THSD7B: variants seen among roughly 807,000 people sequenced by gnomAD.
THSD7B encodes the protein thrombospondin type-1 domain-containing protein 7B.
THSD7B carries 138 observed loss-of-function variants against 213.6 expected under a neutral mutation model. The ratio of observed to expected loss-of-function variants is 0.65; its 90% CI spans 0.56 to 0.74. The LOEUF (loss-of-function observed/expected upper bound fraction) is 0.74, where lower values mean the gene tolerates loss of function less well. Ranked by LOEUF, THSD7B falls within the 30% of genes least tolerant of loss-of-function variation. THSD7B has a pLI of 0.00. For synonymous variants in THSD7B, 742 were observed against 687.0 expected, an observed-to-expected ratio of 1.08 and a Z score of -1.25; for missense variants, 1,931 against 1,991.5, an observed-to-expected ratio of 0.97 and a Z score of 0.58.
chr2:136,876,453 T>C (rs1649550), intron 1 of THSD7B, among the ~76,000 whole-genome samples: 97,014 of 152,110 alleles, frequency 0.64, 32,424 homozygotes, highest in Non-Finnish European at 0.74. Context: ...ATCTGTATTA[T>C]GCAGAATTAA....
At chr2:137,126,722 G>C (rs1488735727) in intron 5 of THSD7B, among the ~76,000 whole-genome samples, 1 of 152,156 alleles carries the variant, frequency 6.6e-6, no homozygotes, top group Non-Finnish European at 1.5e-5. Context: ...CAGAGGCCTT[G>C]CTTTCAGCCA....
At chr2:136,771,635 G>A (rs1681507018) in intron 1 of THSD7B, among the ~76,000 whole-genome samples, 1 of 152,136 alleles carries the variant, frequency 6.6e-6, no homozygotes, top group Non-Finnish European at 1.5e-5. Context: ...CTTCCACTGA[G>A]CTTTCACTGA....
At chr2:136,885,757 T>A (rs917161975) in intron 2 of THSD7B, among the ~76,000 whole-genome samples, 1 of 152,200 alleles carries the variant, frequency 6.6e-6, no homozygotes, top group Non-Finnish European at 1.5e-5. Flanking sequence ...TACAAGTACA[T>A]GAGATAAATT....
At chr2:137,386,889 A>T (rs1387657836) in intron 12 of THSD7B, among the ~76,000 whole-genome samples, 1 of 152,190 alleles carries the variant, frequency 6.6e-6, no homozygotes, top group African/African-American at 2.4e-5. Context: ...AATTCTTTTT[A>T]AAAAATTAAC....
intron 7 of THSD7B, among the ~76,000 whole-genome samples, chr2:137,192,495 C>T (rs1005664812): frequency 5.3e-5 from 8 of 152,012 alleles, no homozygotes; most frequent in Non-Finnish European, 1.0e-4. Flanking sequence ...TACTTGTATA[C>T]TTGAGAAGAG....
chr2:137,659,316 G>C (rs1683296789), intron 24 of THSD7B, among the ~76,000 whole-genome samples: 1 of 152,128 alleles, frequency 6.6e-6, no homozygotes, highest in African/African-American at 2.4e-5. Context: ...GAGTATTCCA[G>C]CAGATATGTT....
intron 2 of THSD7B, among the ~76,000 whole-genome samples, chr2:137,016,770 C>A (rs1686350377): frequency 6.6e-6 from 1 of 152,130 alleles, no homozygotes; most frequent in Non-Finnish European, 1.5e-5. Flanking sequence ...TTTAGAGGAA[C>A]TTCTTAAGTA....
chr2:137,336,975 C>G (rs982253217), intron 12 of THSD7B, among the ~76,000 whole-genome samples: 2 of 151,788 alleles, frequency 1.3e-5, no homozygotes, highest in Admixed American at 1.3e-4. Flanking sequence ...AAAATAGTTG[C>G]AAAATCATAT....
intron 4 of THSD7B, among the ~76,000 whole-genome samples, chr2:137,100,397 T>C (rs1018962189): frequency 6.6e-6 from 1 of 151,952 alleles, no homozygotes; most frequent in Non-Finnish European, 1.5e-5. Flanking sequence ...TTCAAAACTA[T>C]TGGGTTGCTG....
chr2:137,037,034 G>A (rs2104857820), intron 2 of THSD7B, among the ~76,000 whole-genome samples: 1 of 152,202 alleles, frequency 6.6e-6, no homozygotes, highest in East Asian at 1.9e-4. Flanking sequence ...TTCTGACTCA[G>A]TGTTCCTAAA....
intron 12 of THSD7B, among the ~76,000 whole-genome samples, chr2:137,344,829 T>C (rs1684841281): frequency 6.6e-6 from 1 of 151,646 alleles, no homozygotes; most frequent in South Asian, 2.1e-4. Flanking sequence ...GGCTGGCCCT[T>C]GCATATCCTC....
intron 21 of THSD7B, among the ~76,000 whole-genome samples, chr2:137,649,073 G>A (rs1683090873): frequency 6.6e-6 from 1 of 151,942 alleles, no homozygotes; most frequent in South Asian, 2.1e-4. Context: ...GTCTTCTTTT[G>A]AGAAATGTCT....
chr2:137,357,118 G>T (rs1389760551), intron 12 of THSD7B, among the ~76,000 whole-genome samples: 1 of 152,080 alleles, frequency 6.6e-6, no homozygotes, highest in African/African-American at 2.4e-5. Context: ...GACATTATAC[G>T]TGTATGATTC....
rs144197086 is a variant in THSD7B, at chr2:137,056,167, A to G, written c.140-253A>G. The stretch of plus-strand genomic sequence containing the variant: ...CAAGTCGGTGCTTTTATTATCTTCT[A>G]CCTTATATAGGTGAGGAACTTTCTA... On this transcript the variant is annotated intron_variant, in intron 2 of 27. Transcript: ENST00000409968. 1.8e-4 allele frequency among the ~76,000 whole-genome samples: 28 copies of G among 152,232 alleles called. No individual in the cohort carries two copies. In the East Asian group the frequency reaches 5.4e-3, roughly 29 times the overall value.
intron 2 of THSD7B, among the ~76,000 whole-genome samples, chr2:136,920,386 T>C (rs1684413790): frequency 6.6e-6 from 1 of 152,154 alleles, no homozygotes; most frequent in Admixed American, 6.5e-5. Context: ...AGTGTCCGGC[T>C]CTTGGCAGAG....
At chr2:137,321,000 T>A (rs1269636698) in intron 12 of THSD7B, among the ~76,000 whole-genome samples, 2 of 152,208 alleles carry the variant, frequency 1.3e-5, no homozygotes, top group Non-Finnish European at 2.9e-5. Context: ...AGTTACTTGA[T>A]TTCATTAAGC....
intron 1 of THSD7B, among the ~76,000 whole-genome samples, chr2:136,878,887 G>A (rs1330560987): frequency 6.6e-6 from 1 of 152,186 alleles, no homozygotes; most frequent in East Asian, 1.9e-4. Context: ...TCTGGTGGTA[G>A]TTTCTTTTGC....
chr2:137,363,859 A>C (rs1389362645), intron 12 of THSD7B, among the ~76,000 whole-genome samples: 1 of 152,240 alleles, frequency 6.6e-6, no homozygotes, highest in East Asian at 1.9e-4. Flanking sequence ...CAATCAATAG[A>C]AAAAGGGGGA....
rs1472653495 is a variant in THSD7B at position 137,394,836 on chromosome 2, G to A, written c.2501-10777G>A. On this transcript the variant is annotated intron_variant, in intron 12 of 27. Coordinates refer to ENST00000409968, the MANE Select transcript of THSD7B (RefSeq NM_001316349.2). The stretch of plus-strand genomic sequence containing the variant: ...ATTTGTTTGTATCCTCTTTTATTTC[G>A]TTGAGCAGTGGTTTGTAGTTCTCCT... 3.8e-3 allele frequency among the ~76,000 whole-genome samples: 526 copies of A among 138,480 alleles called. 11 individuals are homozygous for A. Among genetic ancestry groups the A allele is most frequent in the African/African-American group, 0.014 (495 of 36,088 alleles). 90.8% of individuals were successfully genotyped at this position (138,480 alleles called of 152,430 possible).
Sources: allele counts gnomAD v4.1 joint callset (sites outside exome capture counted in the v4.1 genomes callset), GRCh38; gene constraint gnomAD v4.1.1; transcripts MANE v1.5; gene names NCBI Gene and HGNC (gene_info 2026-07-23, HGNC 2026-07-21).